Variants in ERN2 observed in about 807,000 individuals in gnomAD.
ERN2 encodes the protein serine/threonine-protein kinase/endoribonuclease IRE2.
In ERN2, 111 loss-of-function variants were observed where a neutral mutation model predicts 107.9. The ratio of observed to expected loss-of-function variants is 1.03; its 90% CI spans 0.88 to 1.20. ERN2 has a LOEUF of 1.20. Ranked by LOEUF, ERN2 falls within the 50% of genes most tolerant of loss-of-function variation. ERN2 has a pLI of 0.00. For missense variants in ERN2, 1,225 were observed against 1,197.9 expected (o/e 1.02, Z -0.33); for synonymous variants, 524 against 501.7 (o/e 1.04, Z -0.59).
rs1454907562 is a variant in ERN2 at position 23,694,817 on chromosome 16, G to A, written c.2011C>T (p.Arg671Cys). ...CCGGAGTGGAGGCTGAAGCTACAGC[G>A]GCCAGCAGGCAGCTTCTTGCAGAGG... ...FGLCKKLPAG[R>C]CSFSLHSGIP... Residue 671 changes from arginine (R) to cysteine (C), a missense_variant, in exon 17 of 22, where the codon CGC (arginine) becomes TGC (cysteine). Transcript: ENST00000256797. 15 of 1,613,846 alleles carry A rather than the reference G, an allele frequency of 9.3e-6. No individual in the cohort carries two copies. Among genetic ancestry groups the A allele is most frequent in the Admixed American group, 1.7e-5 (1 of 59,992 alleles).
intron 1 of ERN2, 103 bp downstream of exon 1, chr16:23,712,992 A>G: frequency 2.4e-6 from 2 of 839,236 alleles, no homozygotes; most frequent in Non-Finnish European, 3.5e-6. Context: ...AGGGAGGGAG[A>G]GGTGCCCCCG....
In ERN2 at chr16:23,705,095, T is replaced by C; in HGVS notation, c.642A>G (p.Pro214=). The C allele has an allele frequency of 6.2e-7, 1 of 1,613,938 alleles. No homozygotes were observed. The highest frequency in any genetic ancestry group is 1.1e-5 in the South Asian group (1 of 91,068). ...CGMGLLLTVD[P]GSGTVLWTQD... is the part of the protein sequence containing the mutation. ...GTGTCCACAGCACCGTCCCGCTTCC[T>C]GGGTCCACAGTGAGCAGCAGGCCCA... is the stretch of plus-strand genomic sequence containing the variant. The change falls in exon 8 of 22, where the codon CCA becomes CCG. Residue 214 remains proline (P), a synonymous_variant. Coordinates refer to ENST00000256797, the MANE Select transcript of ERN2 (RefSeq NM_033266.4).
At position 23,702,285 on chromosome 16, in the gene ERN2, G is replaced by A. The variant is rs372113219; in HGVS notation, c.1082-12C>T. 1.5e-5 allele frequency: 25 copies of A among 1,613,780 alleles called. No individual in the cohort carries two copies. Among genetic ancestry groups the A allele is most frequent in the East Asian group, 6.7e-5 (3 of 44,888 alleles). ...TAGCTCGTGGTGTCCTAAGGTGGGG[G>A]GCAAAAGTCATCAGGCTGAAGGGGA... On this transcript the variant is annotated splice_polypyrimidine_tract_variant and intron_variant, in intron 10 of 21. Transcript: ENST00000256797.
intron 4 of ERN2, 54 bp from the exon 5 acceptor site, chr16:23,707,133 A>C: frequency 7.8e-7 from 1 of 1,281,658 alleles, no homozygotes; most frequent in Non-Finnish European, 1.1e-6. Context: ...CACAGTGCTC[A>C]CTGTGCCAGG....
chr16:23,705,077 C>T lies in ERN2; in HGVS notation c.660G>A (p.Leu220=). 6.2e-7 allele frequency: 1 copy of T among 1,614,002 alleles called. No individual in the cohort carries two copies. The highest frequency in any genetic ancestry group is 1.3e-5 in the African/African-American group (1 of 75,050). Residue 220 remains leucine, a synonymous_variant, in exon 8 of 22, where the codon CTG becomes CTA. Coordinates refer to ENST00000256797, the MANE Select transcript of ERN2 (RefSeq NM_033266.4). ...LTVDPGSGTV[L]WTQDLGVPVM... ...CAGGCACGCCCAGGTCCTGTGTCCA[C>T]AGCACCGTCCCGCTTCCTGGGTCCA...
Position 23,692,253 on chromosome 16 carries a change from T to C in ERN2, c.2179A>G (p.Ser727Gly). Residue 727 changes from serine to glycine, a missense_variant, in exon 18 of 22, where the codon AGT becomes GGT. Ser to Gly is a moderately conservative substitution (Grantham distance 56, BLOSUM62 0). Coordinates refer to ENST00000256797, the MANE Select transcript of ERN2 (RefSeq NM_033266.4). ...AGGATGTTTGCCTGGCGATAAAGAC[T>C]GTCTCCAAAGGGGTGGCTGCCACCA... ...LSGGSHPFGD[S>G]LYRQANILTG... 1 of 1,614,166 alleles carries C rather than the reference T, an allele frequency of 6.2e-7. No individual in the cohort carries two copies. Among genetic ancestry groups the C allele is most frequent in the Non-Finnish European group, 8.5e-7 (1 of 1,180,014 alleles).
At chr16:23,707,728 GAAAC>G (rs928820060) in intron 4 of ERN2, among the ~76,000 whole-genome samples, 7 of 151,874 alleles carry the variant, frequency 4.6e-5, no homozygotes, top group Non-Finnish European at 5.9e-5. Flanking sequence ...AAAATAAAAT[GAAAC>G]AAACAAACAA....
chr16:23,709,440 C>T lies in ERN2; in HGVS notation c.306+732G>A, dbSNP rs112379134. Among the ~76,000 whole-genome samples the T allele has an allele frequency of 2.2e-4, 34 of 152,288 alleles. 1 individual carries two copies. The highest frequency in any genetic ancestry group is 7.9e-4 in the African/African-American group (33 of 41,566). On this transcript the variant is annotated intron_variant, in intron 4 of 21. Transcript: ENST00000256797. ...ATGTCTGTGTCTGTGTCCCTTCACA[C>T]GGTGAGTTTTCAGCTCCTTCCATAA...
chr16:23,706,574 G>A (rs1304174105), intron 6 of ERN2, 143 bp from the exon 7 acceptor site: 1 of 747,634 alleles, frequency 1.3e-6, no homozygotes, highest in African/African-American at 1.8e-5. Flanking sequence ...CAGTGGCAGA[G>A]ACTGGAGCTG....
rs745603738 is a variant in ERN2, at chr16:23,691,327, C to T, written c.2475G>A (p.Glu825=). The part of the protein sequence containing the change: ...GCAVVRDNWH[E]HISMPLQTDL... Reference sequence around the variant, plus strand: ...CTGTCTGCAGCGGCATGGAGATGTGCTCGTGCCAGTTGTCCCGGACCACTG... The same window carrying T: ...CTGTCTGCAGCGGCATGGAGATGTGTTCGTGCCAGTTGTCCCGGACCACTG... Residue 825 remains glutamate, a synonymous_variant, in exon 20 of 22, where the codon GAG becomes GAA. Coordinates refer to ENST00000256797, the MANE Select transcript of ERN2 (RefSeq NM_033266.4). 5 of 1,609,230 alleles carry T rather than the reference C, an allele frequency of 3.1e-6. No individual in the cohort carries two copies. The highest frequency in any genetic ancestry group is 1.7e-6 in the Non-Finnish European group (2 of 1,180,008).
chr16:23,701,695 C>T (rs532393077), intron 11 of ERN2, among the ~76,000 whole-genome samples: 8 of 150,762 alleles, frequency 5.3e-5, no homozygotes, highest in Admixed American at 2.6e-4. Flanking sequence ...AGTGGTGTGA[C>T]CATAGCTCAC....
intron 13 of ERN2, 110 bp from the exon 14 acceptor site, chr16:23,696,088 A>C: frequency 1.3e-6 from 1 of 762,538 alleles, no homozygotes; most frequent in Non-Finnish European, 2.3e-6. Flanking sequence ...TCCCATGCTC[A>C]GCCTGGTGCA....
intron 17 of ERN2, among the ~76,000 whole-genome samples, chr16:23,693,808 G>A (rs369044067): frequency 6.6e-6 from 1 of 152,026 alleles, no homozygotes; most frequent in African/African-American, 2.4e-5. Flanking sequence ...CTCAAAATCC[G>A]TAATTCAGGG....
chr16:23,702,435 A>T lies in ERN2; in HGVS notation c.1036T>A (p.Tyr346Asn). 1 of 1,613,654 alleles carries T rather than the reference A, an allele frequency of 6.2e-7. No homozygotes were observed. The highest frequency in any genetic ancestry group is 2.2e-5 in the East Asian group (1 of 44,884). ...REGSPSTAVR[Y>N]PSGSVALPSQ... ...GGGAGGGCCACACTGCCTGAGGGGT[A>T]TCTAACAGCAGTGCTGGGTGAGCCC... Residue 346 changes from tyrosine (Y) to asparagine (N), a missense_variant, in exon 10 of 22, where the codon TAC becomes AAC. Physicochemically the swap from Tyr to Asn is moderately radical, Grantham distance 143. Transcript: ENST00000256797.
chr16:23,699,279 A>G (rs1308968460), intron 13 of ERN2, among the ~76,000 whole-genome samples: 1 of 152,154 alleles, frequency 6.6e-6, no homozygotes, highest in African/African-American at 2.4e-5. Flanking sequence ...TGTGGCATAG[A>G]CTTCCGCCTG....
Position 23,705,162 on chromosome 16 carries a change from G to A in ERN2, c.590-15C>T, listed in dbSNP as rs369154358. The A allele has an allele frequency of 1.1e-5, 18 of 1,609,344 alleles. No homozygotes were observed. In the African/African-American group the frequency reaches 1.2e-4, roughly 11 times the overall value. On this transcript the variant is annotated splice_polypyrimidine_tract_variant and intron_variant, in intron 7 of 21. Transcript: ENST00000256797. ...GTGGCTCATGTCTGCCGAGAAAGGT[G>A]GCTGGGGAGATGTGGTTGGAAGCTC...
chr16:23,704,006 T>C (rs1205084009), intron 8 of ERN2, among the ~76,000 whole-genome samples: 2 of 152,156 alleles, frequency 1.3e-5, no homozygotes, highest in Admixed American at 1.3e-4. Flanking sequence ...GGCTGGGTTA[T>C]TTGCTATTGT....
At chr16:23,710,849 A>G in intron 2 of ERN2, 64 bp downstream of exon 2, 1 of 1,182,340 alleles carries the variant, frequency 8.5e-7, no homozygotes, top group Non-Finnish European at 1.3e-6. Flanking sequence ...TCTCTATGCC[A>G]CAGTGACTAT....
chr16:23,712,969 C>T lies in ERN2; in HGVS notation c.93+126G>A, dbSNP rs996618878. ...TTACTCCGTTGGGGCCGAGTTGGGA[C>T]CACCCAGGCGTGAGGGAGGGAGAGG... On this transcript the variant is annotated intron_variant, in intron 1 of 21. Transcript: ENST00000256797. 5.6e-6 allele frequency: 4 copies of T among 713,942 alleles called. No homozygotes were observed. The South Asian group carries it at 8.2e-5, about 15-fold the overall frequency. 44.2% of individuals were successfully genotyped at this position (713,942 alleles called of 1,614,324 possible).
Sources: gnomAD v4.1 joint callset for allele counts (sites outside exome capture counted in the v4.1 genomes callset) on GRCh38, gnomAD v4.1.1 for gene constraint, MANE v1.5 for transcripts, NCBI Gene and HGNC (gene_info 2026-07-23, HGNC 2026-07-21) for gene names.